The following ALG9 variants were observed in gnomAD, a reference collection of about 807,000 sequenced individuals.
ALG9 encodes ALG9 alpha-1,2-mannosyltransferase, also known as alpha-1,2-mannosyltransferase ALG9.
ALG9 carries 55 observed loss-of-function variants against 81.8 expected under a neutral mutation model. The ratio of observed to expected loss-of-function variants is 0.67; its 90% CI spans 0.54 to 0.84. The LOEUF is 0.84. Ranked by LOEUF, ALG9 falls within the 40% of genes least tolerant of loss-of-function variation. ALG9 has a pLI of 0.00. For missense variants in ALG9, 629 were observed against 745.0 expected, an observed-to-expected ratio of 0.84 and a Z score of 1.81; for synonymous variants, 278 against 274.3, an observed-to-expected ratio of 1.01 and a Z score of -0.13.
At chr11:111,787,300 G>C (rs1276206804) in intron 14 of ALG9, among the ~76,000 whole-genome samples, 4 of 151,740 alleles carry the variant, frequency 2.6e-5, no homozygotes, top group Admixed American at 2.6e-4. Flanking sequence ...AGGCATGGTG[G>C]TGCATGCCTG....
chr11:111,809,612 T>C, intron 14 of ALG9, 31 bp downstream of exon 14: 2 of 1,613,452 alleles, frequency 1.2e-6, no homozygotes, highest in South Asian at 1.1e-5. Context: ...ATACTAGTCC[T>C]GGAATATCCC....
chr11:111,780,092 T>C (rs888989354), downstream of ALG9, among the ~76,000 whole-genome samples: 2 of 152,206 alleles, frequency 1.3e-5, no homozygotes, highest in East Asian at 1.9e-4. Context: ...AGACTTCCTT[T>C]TCCTAGCAGG....
intron 13 of ALG9, among the ~76,000 whole-genome samples, chr11:111,812,143 C>T (rs1266713168): frequency 6.6e-6 from 1 of 152,020 alleles, no homozygotes; most frequent in African/African-American, 2.4e-5. Context: ...TATGTCAATT[C>T]TAAACAAATT....
intron 13 of ALG9, 87 bp from the exon 14 acceptor site, chr11:111,809,860 C>G (rs1316772470): frequency 1.3e-6 from 2 of 1,490,758 alleles, no homozygotes; most frequent in African/African-American, 2.8e-5. Context: ...TAAAAATTTA[C>G]AGAGCTTTGG....
At chr11:111,825,759 T>C (rs545329619) in intron 13 of ALG9, among the ~76,000 whole-genome samples, 10 of 152,210 alleles carry the variant, frequency 6.6e-5, no homozygotes, top group African/African-American at 2.4e-4. Flanking sequence ...ATCAAAATAA[T>C]ATATACAGCC....
At chr11:111,846,358 C>T (rs1340256348) in intron 8 of ALG9, among the ~76,000 whole-genome samples, 1 of 152,162 alleles carries the variant, frequency 6.6e-6, no homozygotes, top group Non-Finnish European at 1.5e-5. Context: ...AGATGTCAAG[C>T]ACCAATAGGA....
the ALG9 span, among the ~76,000 whole-genome samples, chr11:111,772,072 G>A: frequency 6.6e-6 from 1 of 152,188 alleles, no homozygotes; most frequent in Non-Finnish European, 1.5e-5. Context: ...TATAACAAAG[G>A]TATTGGATTT....
At chr11:111,793,677 C>T (rs12363917) in intron 14 of ALG9, among the ~76,000 whole-genome samples, 39,817 of 149,934 alleles carry the variant, frequency 0.27, 5,398 homozygotes, top group Admixed American at 0.34. Flanking sequence ...AGGAGAATGG[C>T]GTGAACCCGG....
At chr11:111,864,294 T>C (rs1592398351) in intron 4 of ALG9, 2 of 1,111,046 alleles carry the variant, frequency 1.8e-6, no homozygotes, top group East Asian at 2.4e-5. Flanking sequence ...AAGAAAGTGG[T>C]TCAACAGCCC....
chr11:111,806,676 C>A (rs1239002938), intron 14 of ALG9, among the ~76,000 whole-genome samples: 2 of 152,116 alleles, frequency 1.3e-5, no homozygotes, highest in Non-Finnish European at 2.9e-5. Context: ...TAAAAAATAT[C>A]ATCTAAATGC....
At chr11:111,826,789 A>C (rs112971323) in intron 13 of ALG9, among the ~76,000 whole-genome samples, 2,133 of 152,134 alleles carry the variant, frequency 0.014, 23 homozygotes, top group Non-Finnish European at 0.023. Context: ...TTCCTTTGGC[A>C]ATCTCCTCTC....
In ALG9 at chr11:111,836,237, T is replaced by G. The variant is rs1555117481; in HGVS notation, c.1530A>C (p.Ala510=). 3.2e-5 allele frequency: 51 copies of G among 1,614,106 alleles called. No individual in the cohort carries two copies. Among genetic ancestry groups the G allele is most frequent in the Non-Finnish European group, 4.3e-5 (51 of 1,179,982 alleles). Residue 510 remains alanine (A), a synonymous_variant, in exon 13 of 15, where the codon GCA becomes GCC. Coordinates refer to ENST00000616540, the MANE Select transcript of ALG9 (RefSeq NM_024740.2). ...EFRGQLPKPF[A]EGPLATRIVP... The stretch of plus-strand genomic sequence containing the variant: ...CAATCCGGGTGGCCAGAGGTCCTTC[T>G]GCAAAAGGTTTTGGTAACTGACCTC...
chr11:111,795,523 T>C (rs1948136612), intron 14 of ALG9, among the ~76,000 whole-genome samples: 1 of 152,214 alleles, frequency 6.6e-6, no homozygotes, highest in Non-Finnish European at 1.5e-5. Context: ...TACACAGAAT[T>C]TGCTGAATCA....
In ALG9 at chr11:111,782,596, T is replaced by TTC. The variant is rs1489546799; in HGVS notation, c.*3799_*3800dup. 1 of 152,516 alleles carries TTC rather than the reference T, an allele frequency of 6.6e-6. No homozygotes were observed. The highest frequency in any genetic ancestry group is 2.4e-5 in the African/African-American group (1 of 41,448). 9.4% of individuals were successfully genotyped at this position (152,516 alleles called of 1,614,324 possible). On this transcript the variant is annotated 3_prime_UTR_variant, in exon 15 of 15. Transcript: ENST00000616540. ...GGAGGCCAAGATTAAATTGTACCTCTTCTCCCTCTTCAGAGAAAATAAAAT... is the reference window on the plus strand; with the variant it reads ...GGAGGCCAAGATTAAATTGTACCTCTTCTCTCCCTCTTCAGAGAAAATAAAAT...
At chr11:111,775,140 G>C in the ALG9 span, among the ~76,000 whole-genome samples, 1 of 152,154 alleles carries the variant, frequency 6.6e-6, no homozygotes, top group African/African-American at 2.4e-5. Flanking sequence ...GTAGATTTCA[G>C]CAGCTAGGCA....
chr11:111,846,136 TAAC>T (rs1458732073), intron 8 of ALG9, among the ~76,000 whole-genome samples: 1 of 152,222 alleles, frequency 6.6e-6, no homozygotes, highest in East Asian at 1.9e-4. Context: ...AATTAGAATT[TAAC>T]AACATTATTT....
intron 5 of ALG9, among the ~76,000 whole-genome samples, chr11:111,858,726 C>T (rs1326204787): frequency 6.6e-6 from 1 of 152,162 alleles, no homozygotes; most frequent in Non-Finnish European, 1.5e-5. Flanking sequence ...AAGTCTGAAT[C>T]AGTAGGGAAG....
downstream of ALG9, among the ~76,000 whole-genome samples, chr11:111,780,985 T>C (rs782278672): frequency 3.3e-5 from 5 of 152,130 alleles, no homozygotes; most frequent in Admixed American, 6.6e-5. Flanking sequence ...GAAAAGAATG[T>C]AATCAAAGAG....
At chr11:111,843,965 A>G (rs1555126349) in intron 9 of ALG9, among the ~76,000 whole-genome samples, 4 of 152,160 alleles carry the variant, frequency 2.6e-5, no homozygotes. Context: ...GTTAATATAC[A>G]CTTCTTTAAA....
Sources: allele counts gnomAD v4.1 joint callset (sites outside exome capture counted in the v4.1 genomes callset), GRCh38; gene constraint gnomAD v4.1.1; transcripts MANE v1.5; gene names NCBI Gene and HGNC (gene_info 2026-07-23, HGNC 2026-07-21).